ATP10A: variants seen among roughly 807,000 people sequenced by gnomAD.
ATP10A encodes phospholipid-transporting ATPase VA.
A neutral mutation model predicts 147.8 loss-of-function variants in ATP10A; 111 were observed. The ratio of observed to expected loss-of-function variants is 0.75; its 90% CI spans 0.64 to 0.88. The LOEUF is 0.88. ATP10A is among the 40% of genes least tolerant of loss of function. ATP10A has a pLI of 0.00. For missense variants in ATP10A, 1,927 were observed against 1,959.0 expected (o/e 0.98, Z 0.31); for synonymous variants, 875 against 841.6 (o/e 1.04, Z -0.69).
Position 25,708,185 on chromosome 15 carries a change from A to AC in ATP10A, c.2448+11dup, listed in dbSNP as rs1901164215. 6.2e-7 allele frequency: 1 copy of AC among 1,614,020 alleles called. No homozygotes were observed. Among genetic ancestry groups the AC allele is most frequent in the African/African-American group, 1.3e-5 (1 of 75,024 alleles). On this transcript the variant is annotated intron_variant, in intron 11 of 20. Transcript: ENST00000555815. Reference sequence around the variant, plus strand: ...CCTGCACGTGCACCCTCGCGGAGACACCCCCACTCACTCTCTTGGCGATGC... The same window carrying AC: ...CCTGCACGTGCACCCTCGCGGAGACACCCCCCACTCACTCTCTTGGCGATGC...
chr15:25,790,434 C>A (rs987223115), intron 1 of ATP10A, among the ~76,000 whole-genome samples: 1 of 152,200 alleles, frequency 6.6e-6, no homozygotes, highest in Non-Finnish European at 1.5e-5. Context: ...AAATACTGGT[C>A]GCTCTGTGGT....
At chr15:25,811,859 C>A (rs929818378) in intron 1 of ATP10A, among the ~76,000 whole-genome samples, 1 of 152,216 alleles carries the variant, frequency 6.6e-6, no homozygotes, top group African/African-American at 2.4e-5. Context: ...GCTGCACCTG[C>A]ATGGACTGCT....
rs546723459 is a variant in ATP10A, at chr15:25,727,412, C to T, written c.741-146G>A. ...GACTGGGAAGGGTACAGGGGGCCCC[C>T]GAGAGTGGGTGGCTCGCCCTGTGGG... On this transcript the variant is annotated intron_variant, in intron 3 of 20. Coordinates refer to ENST00000555815, the MANE Select transcript of ATP10A (RefSeq NM_024490.4). The T allele has an allele frequency of 4.9e-4, 326 of 668,430 alleles. 1 individual carries two copies. Among genetic ancestry groups the T allele is most frequent in the Non-Finnish European group, 7.7e-4 (300 of 390,670 alleles). The allele number at this position is 668,430 out of a possible 1,614,324, so 41.4% of individuals were successfully genotyped here.
chr15:25,705,462 A>AC (rs1288647854), intron 12 of ATP10A, among the ~76,000 whole-genome samples: 44 of 2,800 alleles, frequency 0.016, no homozygotes, highest in East Asian at 0.032. Flanking sequence ...AACAAAAAAA[A>AC]AAAACAAAAA....
At chr15:25,759,200 A>G (rs1395919446) in intron 2 of ATP10A, among the ~76,000 whole-genome samples, 1 of 152,198 alleles carries the variant, frequency 6.6e-6, no homozygotes, top group Non-Finnish European at 1.5e-5. Flanking sequence ...TTTATATTCG[A>G]GTGCTATTTC....
intron 14 of ATP10A, 143 bp downstream of exon 14, chr15:25,694,676 G>A (rs1900212974): frequency 3.9e-6 from 3 of 764,286 alleles, no homozygotes; most frequent in South Asian, 3.8e-5. Context: ...GGAACATGTT[G>A]CCTGCTCTAT....
chr15:25,825,836 G>A (rs1048190601), intron 1 of ATP10A, among the ~76,000 whole-genome samples: 5 of 152,130 alleles, frequency 3.3e-5, no homozygotes, highest in African/African-American at 1.2e-4. Flanking sequence ...GAAAGTCCAT[G>A]CACACAGGAA....
chr15:25,705,478 A>AGCC, intron 12 of ATP10A, among the ~76,000 whole-genome samples: 1 of 109,218 alleles, frequency 9.2e-6, no homozygotes, highest in Admixed American at 9.2e-5. Flanking sequence ...AAAAAAAATC[A>AGCC]CCTTCATGAA....
chr15:25,804,687 C>T lies in ATP10A; in HGVS notation c.450-23464G>A, dbSNP rs192996765. ...AAGCATCTCACTCCTGTGAGCTGAA[C>T]CCAAGGCGTCTCATCTGTGAAATGC... is the stretch of plus-strand genomic sequence containing the variant. On this transcript the variant is annotated intron_variant, in intron 1 of 20. Coordinates refer to ENST00000555815, the MANE Select transcript of ATP10A (RefSeq NM_024490.4). 3.9e-5 allele frequency among the ~76,000 whole-genome samples: 6 copies of T among 152,292 alleles called. 1 individual carries two copies. The South Asian group carries it at 6.2e-4, about 16-fold the overall frequency.
intron 1 of ATP10A, among the ~76,000 whole-genome samples, chr15:25,847,714 C>T (rs527289644): frequency 2.2e-5 from 3 of 134,924 alleles, no homozygotes; most frequent in Non-Finnish European, 4.6e-5. Flanking sequence ...TCACGTCTCA[C>T]AGCACTCTTA....
At chr15:25,823,348 T>A (rs1896527228) in intron 1 of ATP10A, among the ~76,000 whole-genome samples, 1 of 152,204 alleles carries the variant, frequency 6.6e-6, no homozygotes, top group African/African-American at 2.4e-5. Flanking sequence ...CTCATTTAAT[T>A]CATACAATGT....
At chr15:25,726,963 A>G (rs1239824320) in intron 4 of ATP10A, among the ~76,000 whole-genome samples, 197 bp downstream of exon 4, 1 of 149,796 alleles carries the variant, frequency 6.7e-6, no homozygotes, top group South Asian at 2.1e-4. Flanking sequence ...AGGCTGAGGC[A>G]GGAGAATGGC....
chr15:25,680,266 A>C lies in ATP10A; in HGVS notation c.3721T>G (p.Phe1241Val), dbSNP rs571098357. The change falls in exon 20 of 21, where the codon TTT (phenylalanine) becomes GTT (valine). Residue 1241 changes from phenylalanine (F) to valine (V), a missense_variant. By Grantham distance (50) the Phe-to-Val change is conservative. Transcript: ENST00000555815. ...TTGTAAATCAAAGCCACGGTGAAAA[A>C]CAAAAGGACACTGAAGCCACACGTT... ...WITCGFSVLL[F>V]FTVALIYNAS... 1 of 1,614,102 alleles carries C rather than the reference A, an allele frequency of 6.2e-7. No homozygotes were observed.
chr15:25,816,555 T>TA (rs55978085), intron 1 of ATP10A, among the ~76,000 whole-genome samples: 3 of 152,230 alleles, frequency 2.0e-5, no homozygotes, highest in Non-Finnish European at 2.9e-5. Context: ...GAGAGCTTTT[T>TA]AAAAAATATT....
At position 25,679,383 on chromosome 15, in the gene ATP10A, G is replaced by T. The variant is rs760720206; in HGVS notation, c.4458C>A (p.Asp1486Glu). 9 of 1,604,718 alleles carry T rather than the reference G, an allele frequency of 5.6e-6. No individual in the cohort carries two copies. The highest frequency in any genetic ancestry group is 5.4e-5 in the African/African-American group (4 of 74,730). ...AAGATGCTCCTATAAGTAGTCTGTGGTCTGGCCCTTGAAGTCCTGATCGGC... is the reference window on the plus strand; with the variant it reads ...AAGATGCTCCTATAAGTAGTCTGTGTTCTGGCCCTTGAAGTCCTGATCGGC... ...HSGRSGLQGP[D>E]HRLLIGASSR... Residue 1486 changes from aspartate to glutamate, a missense_variant, in exon 21 of 21, where the codon GAC (aspartate) becomes GAA (glutamate). Transcript: ENST00000555815.
At chr15:25,774,497 C>T (rs559777853) in intron 2 of ATP10A, among the ~76,000 whole-genome samples, 15 of 151,862 alleles carry the variant, frequency 9.9e-5, no homozygotes, top group South Asian at 4.2e-4. Context: ...TCACTTGAAC[C>T]CGGGAGGCAG....
intron 2 of ATP10A, among the ~76,000 whole-genome samples, chr15:25,761,457 C>T (rs7168813): frequency 0.43 from 64,871 of 152,166 alleles, 14,168 homozygotes; most frequent in East Asian, 0.57. Flanking sequence ...GGTCGATCCA[C>T]GGACAGCTTG....
chr15:25,822,506 C>T (rs574204845), intron 1 of ATP10A, among the ~76,000 whole-genome samples: 1 of 152,212 alleles, frequency 6.6e-6, no homozygotes, highest in South Asian at 2.1e-4. Context: ...CACACCTTTG[C>T]CTATCGCACA....
chr15:25,704,162 A>ATG (rs1450139736), intron 12 of ATP10A, among the ~76,000 whole-genome samples: 2 of 152,184 alleles, frequency 1.3e-5, no homozygotes, highest in Non-Finnish European at 2.9e-5. Context: ...CACTTGTACT[A>ATG]TGACAGGTTC....
Sources: allele counts gnomAD v4.1 joint callset (sites outside exome capture counted in the v4.1 genomes callset), GRCh38; gene constraint gnomAD v4.1.1; transcripts MANE v1.5; gene names NCBI Gene and HGNC (gene_info 2026-07-23, HGNC 2026-07-21).